BBOF1: variants seen among roughly 807,000 people sequenced by gnomAD.
BBOF1 encodes the protein basal body orientation factor 1.
A neutral mutation model predicts 68.0 loss-of-function variants in BBOF1; 62 were observed. The ratio of observed to expected loss-of-function variants is 0.91; its 90% CI spans 0.74 to 1.13. BBOF1 has a LOEUF of 1.13. Ranked by LOEUF, BBOF1 falls within the 50% of genes most tolerant of loss-of-function variation. The pLI is 0.00. For synonymous variants in BBOF1, 208 were observed against 198.8 expected (o/e 1.05, Z -0.39); for missense variants, 534 against 600.1 (o/e 0.89, Z 1.15).
At chr14:74,075,412 T>C (rs1347504616) in intron 9 of BBOF1, among the ~76,000 whole-genome samples, 1 of 152,090 alleles carries the variant, frequency 6.6e-6, no homozygotes, top group Non-Finnish European at 1.5e-5. Context: ...ATCTCAGCAC[T>C]TTGGGAAGCT....
chr14:74,042,055 C>A (rs888404852), intron 5 of BBOF1, among the ~76,000 whole-genome samples: 9 of 152,090 alleles, frequency 5.9e-5, no homozygotes, highest in African/African-American at 2.2e-4. Flanking sequence ...ACAACAACAA[C>A]AACAAAACTG....
Position 74,051,609 on chromosome 14 carries a change from C to G in BBOF1, c.1286+1414C>G, listed in dbSNP as rs142451336. On this transcript the variant is annotated intron_variant, in intron 8 of 11. Coordinates refer to ENST00000394009, the MANE Select transcript of BBOF1 (RefSeq NM_025057.3). Reference sequence around the variant, plus strand: ...ACAGAATGTTTGAGACAGTTGCAGACTATATATTACATAATGATTAACTTT... The same window carrying G: ...ACAGAATGTTTGAGACAGTTGCAGAGTATATATTACATAATGATTAACTTT... Among the ~76,000 whole-genome samples the G allele has an allele frequency of 2.6e-5, 4 of 151,858 alleles. 1 individual carries two copies. In the East Asian group the frequency reaches 7.7e-4, roughly 29 times the overall value.
intron 8 of BBOF1, among the ~76,000 whole-genome samples, chr14:74,051,096 T>C (rs539294371): frequency 6.6e-6 from 1 of 151,654 alleles, no homozygotes; most frequent in Non-Finnish European, 1.5e-5. Flanking sequence ...ATACAAAAAT[T>C]AGCTGGGCAT....
chr14:74,025,918 T>A (rs1319395365), intron 2 of BBOF1, among the ~76,000 whole-genome samples: 2 of 142,046 alleles, frequency 1.4e-5, no homozygotes, highest in Non-Finnish European at 3.1e-5. Flanking sequence ...GGGGGGTGCA[T>A]CACATGAGGC....
intron 8 of BBOF1, among the ~76,000 whole-genome samples, chr14:74,054,655 G>A (rs947629251): frequency 4.1e-5 from 6 of 147,688 alleles, no homozygotes; most frequent in African/African-American, 1.5e-4. Flanking sequence ...GGGATTACGG[G>A]TGTGAGCCAC....
intron 8 of BBOF1, among the ~76,000 whole-genome samples, chr14:74,054,016 A>G (rs1260731656): frequency 6.6e-6 from 1 of 152,050 alleles, no homozygotes; most frequent in East Asian, 1.9e-4. Context: ...CTGGGACTAC[A>G]GGCTCCTGCC....
chr14:74,080,666 C>A (rs991431884), intron 10 of BBOF1, among the ~76,000 whole-genome samples: 1 of 152,152 alleles, frequency 6.6e-6, no homozygotes, highest in African/African-American at 2.4e-5. Context: ...TGGTTTTGAA[C>A]TCTTAGCCTC....
In BBOF1 at chr14:74,064,913, A is replaced by G; in HGVS notation, c.*214A>G. The G allele has an allele frequency of 6.2e-7, 1 of 1,613,600 alleles. No homozygotes were observed. Among genetic ancestry groups the G allele is most frequent in the African/African-American group, 1.3e-5 (1 of 75,022 alleles). On this transcript the variant is annotated 3_prime_UTR_variant, in exon 12 of 12. Coordinates refer to ENST00000394009, the MANE Select transcript of BBOF1 (RefSeq NM_025057.3). Reference sequence around the variant, plus strand: ...CAAAGGCACTGGAATGGGGACATTCACTCCCACCTAAAACAGAACAAATCC... The same window carrying G: ...CAAAGGCACTGGAATGGGGACATTCGCTCCCACCTAAAACAGAACAAATCC...
At position 74,082,393 on chromosome 14, in the gene BBOF1, G is replaced by GTTTTTTT. The variant is rs869211328; in HGVS notation, n.1640-375_1640-369dup. Among the ~76,000 whole-genome samples, 7 of 77,568 alleles carry GTTTTTTT rather than the reference G, an allele frequency of 9.0e-5. 1 individual carries two copies. The highest frequency in any genetic ancestry group is 1.7e-4 in the Admixed American group (1 of 5,882). 50.9% of individuals were successfully genotyped at this position (77,568 alleles called of 152,430 possible). The stretch of plus-strand genomic sequence containing the variant: ...AATATTCATGGCTGCCAAAATCGAG[G>GTTTTTTT]TTTTTTTTTTTTTTTTTTTTTTTTT... On this transcript the variant is annotated intron_variant and non_coding_transcript_variant, in intron 12 of 12. Coordinates refer to the BBOF1 transcript ENST00000492026.
intron 9 of BBOF1, among the ~76,000 whole-genome samples, chr14:74,074,483 C>A (rs1466324058): frequency 6.6e-6 from 1 of 151,610 alleles, no homozygotes. Context: ...GATGTGGTTT[C>A]CCCATGTTGG....
In BBOF1 at chr14:74,057,227, C is replaced by T. The variant is rs1326649533; in HGVS notation, c.1547C>T (p.Thr516Ile). Residue 516 changes from threonine to isoleucine, a missense_variant, in exon 11 of 12, where the codon ACT (threonine) becomes ATT (isoleucine). Physicochemically the swap from Thr to Ile is moderately conservative, Grantham distance 89. Coordinates refer to ENST00000394009, the MANE Select transcript of BBOF1 (RefSeq NM_025057.3). Reference sequence around the variant, plus strand: ...TCTTCTGGTGAAGTGGTGCTACCCACTATTCCAAAAGAACCTCAGGAGTCT... The same window carrying T: ...TCTTCTGGTGAAGTGGTGCTACCCATTATTCCAAAAGAACCTCAGGAGTCT... ...SDSSGEVVLP[T>I]IPKEPQESDT... 2 of 1,613,988 alleles carry T rather than the reference C, an allele frequency of 1.2e-6. No individual in the cohort carries two copies. Among genetic ancestry groups the T allele is most frequent in the Non-Finnish European group, 1.7e-6 (2 of 1,179,976 alleles).
rs192908529 is a variant in BBOF1, at chr14:74,034,566, G to A, written c.495+395G>A. Among the ~76,000 whole-genome samples, 316 of 152,288 alleles carry A rather than the reference G, an allele frequency of 2.1e-3. 2 individuals carry two copies. Among genetic ancestry groups the A allele is most frequent in the Non-Finnish European group, 2.9e-3 (195 of 68,024 alleles). ...GAAATTTAGAAGGCTCTATGGTAGGGGTCAGTAGGGTGAGAAACACTGAGT... is the reference window on the plus strand; with the variant it reads ...GAAATTTAGAAGGCTCTATGGTAGGAGTCAGTAGGGTGAGAAACACTGAGT... On this transcript the variant is annotated intron_variant, in intron 4 of 11. Coordinates refer to ENST00000394009, the MANE Select transcript of BBOF1 (RefSeq NM_025057.3).
At chr14:74,029,154 T>G in intron 2 of BBOF1, 30 bp from the exon 3 acceptor site, 1 of 1,439,536 alleles carries the variant, frequency 6.9e-7, no homozygotes, top group Non-Finnish European at 9.6e-7. Context: ...TTTCTTTATC[T>G]TCATGACCCT....
downstream of BBOF1, among the ~76,000 whole-genome samples, chr14:74,068,538 A>G (rs1478668223): frequency 6.6e-6 from 1 of 152,156 alleles, no homozygotes; most frequent in African/African-American, 2.4e-5. Context: ...CAGGAGATCG[A>G]AACCATCCTG....
chr14:74,048,149 T>C (rs1180716046), intron 7 of BBOF1, 75 bp downstream of exon 7: 1 of 1,421,158 alleles, frequency 7.0e-7, no homozygotes, highest in Non-Finnish European at 9.6e-7. Flanking sequence ...AAAAATTGGG[T>C]ATAATAATGA....
chr14:74,043,474 C>T (rs1044449351), intron 5 of BBOF1, among the ~76,000 whole-genome samples: 6 of 140,588 alleles, frequency 4.3e-5, no homozygotes, highest in African/African-American at 7.9e-5. Flanking sequence ...GGCGTGAACC[C>T]GGGAAGCGGA....
At chr14:74,069,061 T>C (rs577891702), downstream of BBOF1, 4 of 1,378,306 alleles carry the variant, frequency 2.9e-6, no homozygotes, top group African/African-American at 1.4e-5. Flanking sequence ...TCCCCACTGC[T>C]ATGGATTTGA....
In BBOF1 at chr14:74,035,174, A is replaced by AAATTAT. The variant is rs2059665625; in HGVS notation, c.495+1004_495+1005insATTATA. ...GAGTTAATATTTGTAAAGTGCATAAAATAGCACGTCACATGGTAAAAATTA... is the reference window on the plus strand; with the variant it reads ...GAGTTAATATTTGTAAAGTGCATAAAAATTATATAGCACGTCACATGGTAAAAATTA... On this transcript the variant is annotated intron_variant, in intron 4 of 11. Coordinates refer to ENST00000394009, the MANE Select transcript of BBOF1 (RefSeq NM_025057.3). 2.6e-5 allele frequency among the ~76,000 whole-genome samples: 4 copies of AAATTAT among 152,182 alleles called. No homozygotes were observed. In the South Asian group the frequency reaches 8.3e-4, roughly 32 times the overall value.
intron 11 of BBOF1, among the ~76,000 whole-genome samples, chr14:74,064,050 A>G (rs950313139): frequency 1.3e-5 from 2 of 151,874 alleles, no homozygotes; most frequent in African/African-American, 4.8e-5. Flanking sequence ...CTGTAATCCC[A>G]GTGCTTTGGG....
Sources: allele counts gnomAD v4.1 joint callset (sites outside exome capture counted in the v4.1 genomes callset), GRCh38; gene constraint gnomAD v4.1.1; transcripts MANE v1.5; gene names NCBI Gene and HGNC (gene_info 2026-07-23, HGNC 2026-07-21).